Variants in RABGAP1 observed in about 807,000 individuals in gnomAD.
RABGAP1 encodes RAB GTPase activating protein 1.
A neutral mutation model predicts 137.6 loss-of-function variants in RABGAP1; 23 were observed. The observed-to-expected ratio is 0.17, with a 90% CI of 0.12 to 0.24. The LOEUF is 0.24. RABGAP1 is among the 10% of genes least tolerant of loss of function. The pLI is 1.00. For missense variants in RABGAP1, 906 were observed against 1,275.8 expected, an observed-to-expected ratio of 0.71 and a Z score of 4.42; for synonymous variants, 451 against 450.7, an observed-to-expected ratio of 1.00 and a Z score of -0.01.
intron 2 of RABGAP1, among the ~76,000 whole-genome samples, chr9:122,976,680 C>T (rs1835775128): frequency 6.6e-6 from 1 of 152,164 alleles, no homozygotes; most frequent in African/African-American, 2.4e-5. Flanking sequence ...GTCCCAGTCA[C>T]TATCTGAAGC....
At position 123,089,754 on chromosome 9, in the gene RABGAP1, A is replaced by G. The variant is rs760435198; in HGVS notation, c.2425-4A>G. On this transcript the variant is annotated splice_polypyrimidine_tract_variant and splice_region_variant and intron_variant, in intron 19 of 25. Transcript: ENST00000373647. ...CTTAATTTACCCTATGATTTATCCT[A>G]CAGATTAGTCAGAAGAAGTTGAAAA... 5 of 1,607,642 alleles carry G rather than the reference A, an allele frequency of 3.1e-6. No individual in the cohort carries two copies. In the East Asian group the frequency reaches 1.1e-4, roughly 36 times the overall value.
Position 122,990,186 on chromosome 9 carries a change from AAG to A in RABGAP1, c.898_899del (p.Glu300ArgfsTer2). 1.2e-6 allele frequency: 2 copies of A among 1,610,258 alleles called. No homozygotes were observed. The highest frequency in any genetic ancestry group is 1.7e-6 in the Non-Finnish European group (2 of 1,176,938). On this transcript the variant is annotated frameshift_variant, in exon 6 of 26. Transcript: ENST00000373647. LOFTEE classifies it high-confidence loss of function. ...ACCTTCTCTGTGTCTTTAGAAATAA[AAG>A]AAGATGATGGTAAAGGTTATTTTAG...
intron 2 of RABGAP1, among the ~76,000 whole-genome samples, chr9:122,960,731 T>C (rs1215363971): frequency 3.3e-5 from 5 of 152,218 alleles, no homozygotes; most frequent in African/African-American, 4.8e-5. Context: ...TCAAGGTAGC[T>C]ATTATTAATA....
intron 10 of RABGAP1, among the ~76,000 whole-genome samples, chr9:123,008,953 A>G (rs775994953): frequency 1.3e-5 from 2 of 152,246 alleles, no homozygotes; most frequent in Non-Finnish European, 2.9e-5. Context: ...ATAGGTTAAC[A>G]TGTAACTTCA....
chr9:123,000,041 C>T (rs537893359), intron 10 of RABGAP1, among the ~76,000 whole-genome samples: 2 of 151,246 alleles, frequency 1.3e-5, no homozygotes, highest in African/African-American at 2.4e-5. Flanking sequence ...CTCTTGATTT[C>T]CTGTTTGTTC....
intron 24 of RABGAP1, among the ~76,000 whole-genome samples, chr9:123,099,753 T>G (rs2035286904): frequency 6.6e-6 from 1 of 152,222 alleles, no homozygotes; most frequent in Non-Finnish European, 1.5e-5. Flanking sequence ...TCAAACAAGC[T>G]CTAGCTTTAG....
chr9:123,018,932 C>A (rs2031427988), intron 12 of RABGAP1, among the ~76,000 whole-genome samples: 1 of 152,184 alleles, frequency 6.6e-6, no homozygotes, highest in Non-Finnish European at 1.5e-5. Context: ...AAACCAGCTG[C>A]TCTATAACAG....
intron 19 of RABGAP1, among the ~76,000 whole-genome samples, chr9:123,079,909 A>G (rs907447232): frequency 2.6e-5 from 4 of 152,192 alleles, no homozygotes; most frequent in African/African-American, 9.7e-5. Context: ...AGAAGAGACA[A>G]TCTCTTTGGC....
intron 12 of RABGAP1, 61 bp downstream of exon 12, chr9:123,015,697 T>C (rs2031173591): frequency 1.7e-6 from 2 of 1,159,998 alleles, no homozygotes; most frequent in Admixed American, 4.2e-5. Flanking sequence ...TAGAGAATCT[T>C]ACCTAACTAT....
intron 10 of RABGAP1, among the ~76,000 whole-genome samples, chr9:123,007,899 T>G (rs1185300355): frequency 6.7e-6 from 1 of 149,182 alleles, no homozygotes; most frequent in Non-Finnish European, 1.5e-5. Context: ...TTTAAAAACC[T>G]GTTTAAATTT....
At chr9:123,074,558 A>G in intron 17 of RABGAP1, 130 bp downstream of exon 17, 1 of 1,082,202 alleles carries the variant, frequency 9.2e-7, no homozygotes. Flanking sequence ...ATTGCTAGGA[A>G]ATCTAGGTTT....
rs768065195 is a variant in RABGAP1 at position 123,010,444 on chromosome 9, A to C, written c.1465A>C (p.Thr489Pro). The part of the protein sequence containing the change: ...SESERERRKT[T>P]ASPSVRLPQS... ...ATCAGAAAGAGAGAGGAGGAAAACT[A>C]CAGCCAGTCCTTCAGTTCGCCTGCC... Residue 489 changes from threonine (T) to proline (P), a missense_variant, in exon 11 of 26, where the codon ACA becomes CCA. This residue lies in a region of RABGAP1 where 212 missense variants were observed against 289.4 expected (regional missense o/e 0.73). Coordinates refer to ENST00000373647, the MANE Select transcript of RABGAP1 (RefSeq NM_012197.4). 6.2e-7 allele frequency: 1 copy of C among 1,613,652 alleles called. No homozygotes were observed. Among genetic ancestry groups the C allele is most frequent in the Non-Finnish European group, 8.5e-7 (1 of 1,179,784 alleles).
chr9:123,083,324 A>C (rs1421772794), intron 19 of RABGAP1, among the ~76,000 whole-genome samples: 1 of 152,232 alleles, frequency 6.6e-6, no homozygotes, highest in Non-Finnish European at 1.5e-5. Flanking sequence ...ACACTACACA[A>C]AGTTCAGCTT....
rs753859630 is a variant in RABGAP1, at chr9:123,074,305, C to T, written c.2130C>T (p.Tyr710=). The T allele has an allele frequency of 6.2e-7, 1 of 1,613,818 alleles. No individual in the cohort carries two copies. Among genetic ancestry groups the T allele is most frequent in the South Asian group, 1.1e-5 (1 of 91,054 alleles). The change falls in exon 17 of 26, where the codon TAC becomes TAT. Residue 710 remains tyrosine, a synonymous_variant. Transcript: ENST00000373647. ...TTCAGGAATACATTCCTGACCTGTA[C>T]AACCACTTCCTGGATATAAGCCTTG... ...RLMQEYIPDL[Y]NHFLDISLEA... is the part of the protein sequence containing the mutation.
chr9:122,958,102 C>A (rs12376909), intron 2 of RABGAP1, among the ~76,000 whole-genome samples: 2 of 152,114 alleles, frequency 1.3e-5, no homozygotes, highest in African/African-American at 4.8e-5. Context: ...TGCTTCCCCC[C>A]ACCCCCATTT....
chr9:122,983,088 G>A (rs1444029550), intron 2 of RABGAP1, among the ~76,000 whole-genome samples: 4 of 150,788 alleles, frequency 2.7e-5, no homozygotes, highest in Admixed American at 2.0e-4. Context: ...GGCTGGTCTC[G>A]AACTCCTGAG....
intron 10 of RABGAP1, among the ~76,000 whole-genome samples, chr9:123,002,055 C>T (rs2131838257): frequency 6.6e-6 from 1 of 152,142 alleles, no homozygotes; most frequent in East Asian, 1.9e-4. Flanking sequence ...GTAATCCCAG[C>T]CTTTGGGAGG....
chr9:122,954,091 G>A (rs1026659296), intron 1 of RABGAP1, among the ~76,000 whole-genome samples: 1 of 152,230 alleles, frequency 6.6e-6, no homozygotes, highest in Non-Finnish European at 1.5e-5. Context: ...ATTAAAGTCT[G>A]AAGGATGAAG....
intron 19 of RABGAP1, among the ~76,000 whole-genome samples, chr9:123,080,331 C>T (rs963311767): frequency 2.6e-5 from 4 of 152,142 alleles, no homozygotes; most frequent in Admixed American, 6.5e-5. Flanking sequence ...TTGGATGTTT[C>T]CCCCTATTTG....
Sources: allele counts gnomAD v4.1 joint callset (sites outside exome capture counted in the v4.1 genomes callset), GRCh38; gene constraint gnomAD v4.1.1; regional missense constraint gnomAD v4.1.1; transcripts MANE v1.5; gene names NCBI Gene and HGNC (gene_info 2026-07-23, HGNC 2026-07-21).